MAGI1: variants seen among roughly 807,000 people sequenced by gnomAD.
MAGI1 encodes membrane-associated guanylate kinase, WW and PDZ domain-containing protein 1.
MAGI1 carries 58 observed loss-of-function variants against 139.9 expected under a neutral mutation model. That is an observed-to-expected ratio of 0.41 (90% CI 0.34 to 0.52). The LOEUF is 0.52. Ranked by LOEUF, MAGI1 falls within the 20% of genes least tolerant of loss-of-function variation. The pLI, the probability that MAGI1 is intolerant of heterozygous loss-of-function variation, is 0.12. For synonymous variants in MAGI1, 812 were observed against 737.9 expected (o/e 1.10, Z -1.63); for missense variants, 1,874 against 1,901.6 (o/e 0.99, Z 0.27).
At position 65,356,195 on chromosome 3, in the gene MAGI1, A is replaced by T; in HGVS notation, c.*183T>A. 1 of 533,316 alleles carries T rather than the reference A, an allele frequency of 1.9e-6. No individual in the cohort carries two copies. The highest frequency in any genetic ancestry group is 3.1e-6 in the Non-Finnish European group (1 of 326,456). 33.0% of individuals were successfully genotyped at this position (533,316 alleles called of 1,614,324 possible). On this transcript the variant is annotated 3_prime_UTR_variant, in exon 23 of 23. Coordinates refer to ENST00000402939, the MANE Select transcript of MAGI1 (RefSeq NM_001033057.2). ...AATACTTTCTTTAATATGATACATC[A>T]GGCACAATACTTTTCATATATATTT...
chr3:65,476,930 A>G lies in MAGI1; in HGVS notation c.757+1662T>C, dbSNP rs544715802. Among the ~76,000 whole-genome samples, 7 of 152,358 alleles carry G rather than the reference A, an allele frequency of 4.6e-5. No individual in the cohort carries two copies. In the South Asian group the frequency reaches 1.5e-3, roughly 32 times the overall value. On this transcript the variant is annotated intron_variant, in intron 4 of 22. Transcript: ENST00000402939. ...AGGTGGCAAATTTCTTCTAGATATT[A>G]CAACTATTGGGCAGGCACTGGCCTA... is the stretch of plus-strand genomic sequence containing the variant.
At chr3:66,012,620 G>T (rs1379521934) in intron 1 of MAGI1, among the ~76,000 whole-genome samples, 1 of 151,840 alleles carries the variant, frequency 6.6e-6, no homozygotes, top group Non-Finnish European at 1.5e-5. Context: ...ACAAAAATTA[G>T]CTGGGTATGG....
chr3:65,356,761 T>C lies in MAGI1; in HGVS notation c.4006A>G (p.Thr1336Ala), dbSNP rs536453395. Residue 1336 changes from threonine (T) to alanine (A), a missense_variant, in exon 23 of 23, where the codon ACT (threonine) becomes GCT (alanine). Coordinates refer to ENST00000402939, the MANE Select transcript of MAGI1 (RefSeq NM_001033057.2). ...RREGTRSADN[T>A]LERREKHEKR... ...TCGTGCTTCTCCCTCCTCTCCAAAG[T>C]GTTGTCGGCGCTGCGGGTGCCCTCC... The C allele has an allele frequency of 1.1e-5, 17 of 1,603,352 alleles. No individual in the cohort carries two copies. The highest frequency in any genetic ancestry group is 1.4e-5 in the Non-Finnish European group (17 of 1,175,268).
At chr3:65,446,546 T>C (rs1255036329) in intron 7 of MAGI1, among the ~76,000 whole-genome samples, 1 of 75,316 alleles carries the variant, frequency 1.3e-5, no homozygotes, top group Non-Finnish European at 3.0e-5. Flanking sequence ...AAGGTTGTGC[T>C]CCTGTACACA....
In MAGI1 at chr3:65,440,859, A is replaced by G. The variant is rs529803029; in HGVS notation, c.1137-847T>C. Among the ~76,000 whole-genome samples, 201 of 151,002 alleles carry G rather than the reference A, an allele frequency of 1.3e-3. 1 individual carries two copies. The Middle Eastern group carries it at 0.014, about 11-fold the overall frequency. On this transcript the variant is annotated intron_variant, in intron 8 of 22. Transcript: ENST00000402939. ...TATACATATATACATATGTATACAT[A>G]TATATGTATACACATATATGTACAT...
chr3:65,560,301 C>T (rs190909929), intron 2 of MAGI1, among the ~76,000 whole-genome samples: 48 of 152,178 alleles, frequency 3.2e-4, no homozygotes, highest in East Asian at 1.9e-3. Context: ...GAAAAATGTA[C>T]GCCTCTTAAC....
intron 2 of MAGI1, among the ~76,000 whole-genome samples, chr3:65,603,968 C>T (rs1234623020): frequency 3.3e-5 from 5 of 152,108 alleles, no homozygotes; most frequent in Non-Finnish European, 7.4e-5. Context: ...TGAATCACCT[C>T]GGAAAGGCCC....
chr3:65,791,331 G>A (rs1472647881), intron 1 of MAGI1, among the ~76,000 whole-genome samples: 1 of 152,158 alleles, frequency 6.6e-6, no homozygotes, highest in Non-Finnish European at 1.5e-5. Flanking sequence ...TCAGCCCTTC[G>A]TATCCATGAG....
chr3:65,851,260 C>A (rs1234598856), intron 1 of MAGI1, among the ~76,000 whole-genome samples: 1 of 152,180 alleles, frequency 6.6e-6, no homozygotes, highest in Non-Finnish European at 1.5e-5. Flanking sequence ...ATTGTTGACG[C>A]TATCAAAGAA....
intron 1 of MAGI1, among the ~76,000 whole-genome samples, chr3:65,767,393 C>T (rs2037575058): frequency 6.6e-6 from 1 of 151,486 alleles, no homozygotes; most frequent in African/African-American, 2.4e-5. Context: ...TCATTAGAGG[C>T]CAGGAGTTCG....
Position 65,787,671 on chromosome 3 carries a change from T to C in MAGI1, c.314-165583A>G, listed in dbSNP as rs72910204. On this transcript the variant is annotated intron_variant, in intron 1 of 22. Transcript: ENST00000402939. ...ATAAATGAGCAATAATAAAACAGAG[T>C]AGACTGTCAGGGACAAGTTCATGGT... Among the ~76,000 whole-genome samples, 589 of 151,196 alleles carry C rather than the reference T, an allele frequency of 3.9e-3. 2 individuals are homozygous for C. The highest frequency in any genetic ancestry group is 0.014 in the African/African-American group (557 of 41,126).
intron 1 of MAGI1, among the ~76,000 whole-genome samples, chr3:65,970,986 C>T (rs1399459250): frequency 6.6e-6 from 1 of 152,156 alleles, no homozygotes; most frequent in Non-Finnish European, 1.5e-5. Context: ...GGGCGGATCA[C>T]GGGTACAAGA....
intron 2 of MAGI1, among the ~76,000 whole-genome samples, chr3:65,500,498 T>C (rs1265731864): frequency 6.6e-6 from 1 of 152,186 alleles, no homozygotes; most frequent in African/African-American, 2.4e-5. Context: ...AATGAGAAAG[T>C]GACCTTCCTT....
intron 1 of MAGI1, among the ~76,000 whole-genome samples, chr3:65,839,498 T>C (rs1036329024): frequency 2.0e-5 from 3 of 152,068 alleles, no homozygotes; most frequent in Admixed American, 6.6e-5. Flanking sequence ...GACCGCTCCA[T>C]GAGTGACAAA....
At chr3:65,515,133 G>A (rs2077799482) in intron 2 of MAGI1, among the ~76,000 whole-genome samples, 1 of 125,004 alleles carries the variant, frequency 8.0e-6, no homozygotes, top group African/African-American at 3.1e-5. Flanking sequence ...CACAGGAAGG[G>A]GAATATCACA....
intron 1 of MAGI1, among the ~76,000 whole-genome samples, chr3:65,743,194 A>T (rs1236745255): frequency 6.6e-6 from 1 of 152,180 alleles, no homozygotes; most frequent in African/African-American, 2.4e-5. Context: ...TCCCATGGTG[A>T]TAATATTCAT....
At position 65,596,452 on chromosome 3, in the gene MAGI1, T is replaced by C. The variant is rs930217937; in HGVS notation, c.430+25520A>G. On this transcript the variant is annotated intron_variant, in intron 2 of 22. Transcript: ENST00000402939. Reference sequence around the variant, plus strand: ...CACACACTCATAAGTAGTCTCCTAATTGATTCTCAGTTGACAGGGTGTTGA... The same window carrying C: ...CACACACTCATAAGTAGTCTCCTAACTGATTCTCAGTTGACAGGGTGTTGA... Among the ~76,000 whole-genome samples the C allele has an allele frequency of 4.6e-5, 7 of 152,206 alleles. No homozygotes were observed. In the South Asian group the frequency reaches 6.2e-4, roughly 13 times the overall value.
chr3:65,495,672 G>T (rs1952378720), intron 2 of MAGI1, among the ~76,000 whole-genome samples: 1 of 152,130 alleles, frequency 6.6e-6, no homozygotes, highest in African/African-American at 2.4e-5. Flanking sequence ...CAGACTGAAA[G>T]ATTAGAAAGT....
chr3:65,996,819 CA>C (rs1173147507), intron 1 of MAGI1, among the ~76,000 whole-genome samples: 1 of 152,212 alleles, frequency 6.6e-6, no homozygotes, highest in Non-Finnish European at 1.5e-5. Context: ...CTGATGAAAT[CA>C]ACACCCTGAA....
Sources: gnomAD v4.1 joint callset for allele counts (sites outside exome capture counted in the v4.1 genomes callset) on GRCh38, gnomAD v4.1.1 for gene constraint, MANE v1.5 for transcripts, NCBI Gene and HGNC (gene_info 2026-07-23, HGNC 2026-07-21) for gene names.